The following FRAS1 variants were observed in gnomAD, a reference collection of about 807,000 sequenced individuals.
FRAS1 encodes extracellular matrix organizing protein FRAS1.
A neutral mutation model predicts 435.2 loss-of-function variants in FRAS1; 290 were observed. That is an observed-to-expected ratio of 0.67 (90% confidence interval 0.61 to 0.73). FRAS1 has a LOEUF of 0.73. Among genes scored for constraint, FRAS1 ranks in the 30% least tolerant of loss-of-function variants. FRAS1 has a pLI of 0.00. For synonymous variants in FRAS1, 1,800 were observed against 1,851.0 expected, an observed-to-expected ratio of 0.97 and a Z score of 0.71; for missense variants, 4,860 against 5,001.5, an observed-to-expected ratio of 0.97 and a Z score of 0.85.
At chr4:78,177,110 CAG>C (rs1278475811) in intron 2 of FRAS1, among the ~76,000 whole-genome samples, 2 of 138,860 alleles carry the variant, frequency 1.4e-5, no homozygotes, top group African/African-American at 5.4e-5. Context: ...TTTTTTGAGA[CAG>C]AGTCTTGCTC....
intron 5 of FRAS1, among the ~76,000 whole-genome samples, chr4:78,254,707 G>T (rs1578208977): frequency 6.6e-6 from 1 of 152,086 alleles, no homozygotes; most frequent in East Asian, 1.9e-4. Flanking sequence ...TTGCAAAAAT[G>T]TAGGGTCTCT....
intron 19 of FRAS1, among the ~76,000 whole-genome samples, chr4:78,334,407 C>T (rs1178665348): frequency 1.6e-5 from 2 of 128,938 alleles, no homozygotes; most frequent in Non-Finnish European, 3.1e-5. Context: ...AGTCTTGCTC[C>T]GTCACCAGGC....
intron 31 of FRAS1, among the ~76,000 whole-genome samples, chr4:78,410,215 T>A (rs764358141): frequency 2.8e-4 from 43 of 152,186 alleles, no homozygotes; most frequent in Non-Finnish European, 5.9e-4. Context: ...GGAAGGGGAA[T>A]CTAAGTAGCT....
intron 2 of FRAS1, among the ~76,000 whole-genome samples, chr4:78,112,782 C>T (rs989181680): frequency 3.3e-5 from 5 of 150,900 alleles, no homozygotes; most frequent in African/African-American, 4.9e-5. Context: ...AAGTTAAGGT[C>T]GGGCATTTTA....
At chr4:78,168,610 A>G (rs1000441551) in intron 2 of FRAS1, among the ~76,000 whole-genome samples, 2 of 151,884 alleles carry the variant, frequency 1.3e-5, no homozygotes, top group African/African-American at 4.8e-5. Flanking sequence ...GGATCCTTTG[A>G]GGCTTATACC....
intron 22 of FRAS1, 95 bp downstream of exon 22, chr4:78,364,149 A>C (rs1731181039): frequency 1.5e-6 from 2 of 1,333,078 alleles, no homozygotes; most frequent in South Asian, 3.0e-5. Flanking sequence ...CCATCTTCTC[A>C]CCTGGTAGCC....
chr4:78,411,982 CTAAG>C (rs1352495891), intron 31 of FRAS1, among the ~76,000 whole-genome samples: 1 of 152,116 alleles, frequency 6.6e-6, no homozygotes, highest in Admixed American at 6.5e-5. Flanking sequence ...TCTGTGGATA[CTAAG>C]TAAGAGAACC....
At position 78,159,428 on chromosome 4, in the gene FRAS1, C is replaced by T. The variant is rs146202761; in HGVS notation, c.109-78082C>T. On this transcript the variant is annotated intron_variant, in intron 2 of 73. Transcript: ENST00000512123. ...AATATAAGATAGGGCTTTCATGTTGCTATGGACTGTATTCTGGAACTCCTT... is the reference window on the plus strand; with the variant it reads ...AATATAAGATAGGGCTTTCATGTTGTTATGGACTGTATTCTGGAACTCCTT... 1.1e-4 allele frequency among the ~76,000 whole-genome samples: 16 copies of T among 152,224 alleles called. No individual in the cohort carries two copies. The East Asian group carries it at 1.5e-3, about 15-fold the overall frequency.
Position 78,298,030 on chromosome 4 carries a change from C to CTCTCTCTA in FRAS1, c.1535-10035_1535-10034insCTCTCTAT, listed in dbSNP as rs1253600018. 1.4e-3 allele frequency among the ~76,000 whole-genome samples: 144 copies of CTCTCTCTA among 104,058 alleles called. 1 individual carries two copies. Among genetic ancestry groups the CTCTCTCTA allele is most frequent in the African/African-American group, 4.1e-3 (124 of 30,004 alleles). The allele number at this position is 104,058 out of a possible 152,430, so 68.3% of individuals were successfully genotyped here. A position where few individuals can be genotyped will look rare whatever the true frequency, so the allele number is the denominator to read the frequency against. On this transcript the variant is annotated intron_variant, in intron 14 of 73. Transcript: ENST00000512123. The stretch of plus-strand genomic sequence containing the variant: ...TCTCTCTCTCTCTCTCTCTCTCTCT[C>CTCTCTCTA]TATATATATATATATATATATATTA...
intron 2 of FRAS1, among the ~76,000 whole-genome samples, chr4:78,144,947 G>A (rs1720356240): frequency 1.3e-5 from 2 of 152,080 alleles, no homozygotes; most frequent in Non-Finnish European, 2.9e-5. Flanking sequence ...AAATTTTTGT[G>A]TAAATCACTG....
chr4:78,256,324 T>A (rs1725794209), intron 6 of FRAS1, among the ~76,000 whole-genome samples: 2 of 152,216 alleles, frequency 1.3e-5, no homozygotes, highest in Non-Finnish European at 2.9e-5. Context: ...CAAAGCCATA[T>A]CCTTGCTTTA....
At position 78,540,661 on chromosome 4, in the gene FRAS1, A is replaced by C; in HGVS notation, c.11576A>C (p.Asp3859Ala). 6.2e-7 allele frequency: 1 copy of C among 1,612,500 alleles called. No homozygotes were observed. Among genetic ancestry groups the C allele is most frequent in the Non-Finnish European group, 8.5e-7 (1 of 1,179,044 alleles). ...RRNRRDLVEP[D>A]GQLILDDSLI... ...AACCGAAGGGACCTGGTAGAGCCCG[A>C]TGGCCAGCTGATCCTTGATGATTCC... The change falls in exon 74 of 74, where the codon GAT (aspartate) becomes GCT (alanine). Residue 3859 changes from aspartate to alanine, a missense_variant. By Grantham distance (126) the Asp-to-Ala change is moderately radical (BLOSUM62 -2). Transcript: ENST00000512123.
In FRAS1 at chr4:78,255,253, T is replaced by C. The variant is rs752460678; in HGVS notation, c.481T>C (p.Tyr161His). The change falls in exon 6 of 74, where the codon TAT (tyrosine) becomes CAT (histidine). Residue 161 changes from tyrosine to histidine, a missense_variant. Transcript: ENST00000512123. ...VCVGLGKPCS[Y>H]EGHVFQDGED... ...CTTTGACCTTCCAGAACCCTGTTCC[T>C]ATGAAGGCCATGTGTTTCAGGATGG... The C allele has an allele frequency of 1.9e-6, 3 of 1,552,296 alleles. No homozygotes were observed. The South Asian group carries it at 3.6e-5, about 18-fold the overall frequency.
intron 2 of FRAS1, among the ~76,000 whole-genome samples, chr4:78,157,095 G>A (rs551144389): frequency 2.6e-5 from 4 of 152,284 alleles, no homozygotes; most frequent in African/African-American, 4.8e-5. Context: ...CTGTTTCTGC[G>A]TTAATTCACC....
chr4:78,364,150 C>T, intron 22 of FRAS1, 96 bp downstream of exon 22: 1 of 1,310,548 alleles, frequency 7.6e-7, no homozygotes, highest in Non-Finnish European at 1.0e-6. Context: ...CATCTTCTCA[C>T]CTGGTAGCCT....
intron 40 of FRAS1, among the ~76,000 whole-genome samples, chr4:78,440,430 T>G (rs1450287361): frequency 6.6e-6 from 1 of 152,092 alleles, no homozygotes; most frequent in Non-Finnish European, 1.5e-5. Flanking sequence ...ATTCCCAGAG[T>G]CAGAGTGACC....
intron 70 of FRAS1, among the ~76,000 whole-genome samples, chr4:78,526,926 ATT>A (rs1475828548): frequency 6.6e-6 from 1 of 152,008 alleles, no homozygotes; most frequent in Non-Finnish European, 1.5e-5. Context: ...TGTTTTTTGC[ATT>A]TTTGTGCCTT....
intron 2 of FRAS1, among the ~76,000 whole-genome samples, chr4:78,216,275 C>T (rs1723765013): frequency 6.6e-6 from 1 of 152,192 alleles, no homozygotes; most frequent in South Asian, 2.1e-4. Flanking sequence ...AATATCTGGC[C>T]CATGTACCCA....
intron 2 of FRAS1, among the ~76,000 whole-genome samples, chr4:78,167,828 T>A (rs749902610): frequency 2.6e-5 from 4 of 152,166 alleles, no homozygotes; most frequent in East Asian, 3.9e-4. Flanking sequence ...ATGGTTGGTA[T>A]AGGAATATCA....
Sources: gnomAD v4.1 joint callset for allele counts (sites outside exome capture counted in the v4.1 genomes callset) on GRCh38, gnomAD v4.1.1 for gene constraint, MANE v1.5 for transcripts, NCBI Gene and HGNC (gene_info 2026-07-23, HGNC 2026-07-21) for gene names.